PATL2: variants seen among roughly 807,000 people sequenced by gnomAD.
The protein encoded by PATL2 is protein PAT1 homolog 2.
In PATL2, 73 loss-of-function variants were observed where a neutral mutation model predicts 77.0. The ratio of observed to expected loss-of-function variants is 0.95; its 90% CI spans 0.78 to 1.15. The LOEUF is 1.15. Among genes scored for constraint, PATL2 ranks in the 50% most tolerant of loss-of-function variants. The probability of loss-of-function intolerance (pLI) is 0.00; values close to 1 mark genes in which losing one functional copy is unlikely to be tolerated. For missense variants in PATL2, 618 were observed against 655.4 expected, an observed-to-expected ratio of 0.94 and a Z score of 0.62; for synonymous variants, 265 against 257.1, an observed-to-expected ratio of 1.03 and a Z score of -0.29.
In PATL2 at chr15:44,668,437, A is replaced by G. The variant is rs1315340350; in HGVS notation, c.1270T>C (p.Leu424=). Residue 424 remains leucine (L), a synonymous_variant, in exon 15 of 18, where the codon TTG becomes CTG. Transcript: ENST00000682850. ...CCTTGGAGGAGTTCGTGGAGGGTCA[A>G]GTGACTAATACATTTGCCCAGAGGT... ...FKPLGKCISH[L]TLHELLQGLQ... The G allele has an allele frequency of 1.3e-6, 2 of 1,551,286 alleles. No homozygotes were observed. The highest frequency in any genetic ancestry group is 4.9e-5 in the East Asian group (2 of 40,934).
chr15:44,675,172 A>C (rs2085890189), intron 5 of PATL2: 1 of 307,068 alleles, frequency 3.3e-6, no homozygotes, highest in African/African-American at 2.1e-5. Flanking sequence ...GGAATGGACT[A>C]CTGAGACAGA....
chr15:44,680,704 T>A (rs185282280), intron 3 of PATL2, among the ~76,000 whole-genome samples: 29 of 152,328 alleles, frequency 1.9e-4, no homozygotes, highest in Admixed American at 1.4e-3. Flanking sequence ...GCCCTTCAGG[T>A]CTCTCCTACC....
intron 3 of PATL2, among the ~76,000 whole-genome samples, chr15:44,704,230 G>A (rs2086688897): frequency 6.7e-6 from 1 of 149,830 alleles, no homozygotes; most frequent in South Asian, 2.1e-4. Flanking sequence ...TTTCCAGGCT[G>A]GTTTCAAACT....
chr15:44,668,867 C>T (rs941025818), intron 14 of PATL2, 113 bp downstream of exon 14: 29 of 1,293,620 alleles, frequency 2.2e-5, no homozygotes, highest in South Asian at 8.4e-5. Context: ...CAGCATCCCT[C>T]GCTGTGCCCA....
intron 3 of PATL2, 56 bp from the exon 4 acceptor site, chr15:44,676,621 C>G: frequency 1.4e-6 from 2 of 1,427,864 alleles, no homozygotes; most frequent in Non-Finnish European, 1.9e-6. Context: ...GATGACATGG[C>G]ACCCTAAAAC....
Position 44,669,533 on chromosome 15 carries a change from G to A in PATL2, c.907C>T (p.Arg303Trp), listed in dbSNP as rs955398445. 9.0e-6 allele frequency: 14 copies of A among 1,551,176 alleles called. No individual in the cohort carries two copies. The highest frequency in any genetic ancestry group is 4.1e-5 in the African/African-American group (3 of 72,976). ...DIEAASSQRLRVLYRIEKMFL... is the reference protein window; with the variant it reads ...DIEAASSQRLWVLYRIEKMFL... ...ACCTTCTCAATCCGGTATAATACCC[G>A]AAGCCTCTGACTGCTTGCAGCTTCT... is the stretch of plus-strand genomic sequence containing the variant. Residue 303 changes from arginine (R) to tryptophan (W), a missense_variant, in exon 12 of 18, where the codon CGG becomes TGG. Transcript: ENST00000682850.
chr15:44,674,514 T>G, intron 5 of PATL2: 1 of 247,984 alleles, frequency 4.0e-6, no homozygotes, highest in South Asian at 1.4e-4. Flanking sequence ...CTAAACCCTG[T>G]GTATAGTGCT....
chr15:44,696,423 G>A (rs2086504098), intron 3 of PATL2, among the ~76,000 whole-genome samples: 1 of 152,140 alleles, frequency 6.6e-6, no homozygotes, highest in Non-Finnish European at 1.5e-5. Context: ...TAAAATTATG[G>A]TTATTACTGG....
At chr15:44,692,993 T>C (rs577880156) in intron 3 of PATL2, among the ~76,000 whole-genome samples, 3 of 152,274 alleles carry the variant, frequency 2.0e-5, no homozygotes, top group African/African-American at 7.2e-5. Flanking sequence ...TTGGCAAAAC[T>C]CCTACCTTCC....
chr15:44,685,713 T>C (rs578138502), intron 3 of PATL2, among the ~76,000 whole-genome samples: 1 of 152,042 alleles, frequency 6.6e-6, no homozygotes, highest in African/African-American at 2.4e-5. Flanking sequence ...GATGGAGGAA[T>C]ATTTACCAAG....
At chr15:44,708,664 C>A (rs1161025185) in intron 3 of PATL2, among the ~76,000 whole-genome samples, 2 of 152,146 alleles carry the variant, frequency 1.3e-5, no homozygotes, top group Admixed American at 6.5e-5. Flanking sequence ...GATAGTATTT[C>A]ATTGTATGGA....
intron 3 of PATL2, among the ~76,000 whole-genome samples, chr15:44,679,556 T>C (rs557387926): frequency 1.4e-4 from 21 of 145,120 alleles, no homozygotes; most frequent in Admixed American, 4.7e-4. Context: ...CTTTTTCTTT[T>C]TTTTTTTTTT....
chr15:44,699,694 G>A (rs1008721914), intron 3 of PATL2, among the ~76,000 whole-genome samples: 1 of 152,132 alleles, frequency 6.6e-6, no homozygotes, highest in African/African-American at 2.4e-5. Flanking sequence ...AGAGATAGTG[G>A]TCTAGTTTCA....
rs933165876 is a variant in PATL2, at chr15:44,703,723, C to CTTTTT, written c.-76+6368_-76+6372dup. On this transcript the variant is annotated intron_variant, in intron 3 of 17. Transcript: ENST00000682850. ...GTAGGCAACAAATCACCGGGTCTTGCTTTTTTTTTTTTTTTTTTTTTTTTT... is the reference window on the plus strand; with the variant it reads ...GTAGGCAACAAATCACCGGGTCTTGCTTTTTTTTTTTTTTTTTTTTTTTTTTTTTT... Among the ~76,000 whole-genome samples the CTTTTT allele has an allele frequency of 9.9e-3, 327 of 33,018 alleles. 71 individuals are homozygous for CTTTTT. The highest frequency in any genetic ancestry group is 0.027 in the African/African-American group (269 of 9,814). The allele number at this position is 33,018 out of a possible 152,430, so 21.7% of individuals were successfully genotyped here. A position where few individuals can be genotyped will look rare whatever the true frequency, so the allele number is the denominator to read the frequency against.
At chr15:44,671,744 G>T (rs1419989114) in intron 9 of PATL2, among the ~76,000 whole-genome samples, 1 of 152,188 alleles carries the variant, frequency 6.6e-6, no homozygotes, top group Non-Finnish European at 1.5e-5. Flanking sequence ...TTTCCTGGGT[G>T]AACAGGGAAA....
At position 44,669,134 on chromosome 15, in the gene PATL2, G is replaced by A. The variant is rs1380325255; in HGVS notation, c.1070C>T (p.Ala357Val). ...KTQEQNNLEE[A>V]ADGFLQVLSV... ...GAGCACCTGCAGGAAGCCATCTGCT[G>A]CCTCTCTGCAAGGGAGAGAGGAGAA... The change falls in exon 14 of 18, where the codon GCA becomes GTA. Residue 357 changes from alanine (A) to valine (V), a missense_variant. Coordinates refer to ENST00000682850, the MANE Select transcript of PATL2 (RefSeq NM_001387263.1). 6.5e-7 allele frequency: 1 copy of A among 1,540,638 alleles called. No homozygotes were observed. Among genetic ancestry groups the A allele is most frequent in the Non-Finnish European group, 8.8e-7 (1 of 1,140,280 alleles).
intron 3 of PATL2, among the ~76,000 whole-genome samples, chr15:44,709,335 A>G (rs1352047899): frequency 6.6e-6 from 1 of 152,148 alleles, no homozygotes. Context: ...TAGGGGAAAA[A>G]AAGGCCGCTA....
chr15:44,692,431 G>T (rs909666167), intron 3 of PATL2, among the ~76,000 whole-genome samples: 1 of 152,128 alleles, frequency 6.6e-6, no homozygotes, highest in African/African-American at 2.4e-5. Flanking sequence ...CAGCTCTGTT[G>T]GTACCTGCAT....
At chr15:44,688,142 A>C (rs982309020) in intron 3 of PATL2, among the ~76,000 whole-genome samples, 16 of 150,780 alleles carry the variant, frequency 1.1e-4, no homozygotes, top group Admixed American at 4.0e-4. Flanking sequence ...GCTACTTGGG[A>C]GGCTGAGGCA....
Sources: allele counts gnomAD v4.1 joint callset (sites outside exome capture counted in the v4.1 genomes callset), GRCh38; gene constraint gnomAD v4.1.1; transcripts MANE v1.5; gene names NCBI Gene and HGNC (gene_info 2026-07-23, HGNC 2026-07-21).